Variants in HTR7 observed in about 807,000 individuals in gnomAD.
The protein encoded by HTR7 is 5-hydroxytryptamine receptor 7.
Under a neutral mutation model 34.0 loss-of-function variants are expected in HTR7, and 16 were observed. The observed-to-expected ratio is 0.47, with a 90% confidence interval of 0.32 to 0.71. HTR7 has a LOEUF of 0.71. Ranked by LOEUF, HTR7 falls within the 30% of genes least tolerant of loss-of-function variation. The pLI is 0.04. For synonymous variants in HTR7, 265 were observed against 260.2 expected (o/e 1.02, Z -0.18); for missense variants, 504 against 625.5 (o/e 0.81, Z 2.07).
intron 1 of HTR7, among the ~76,000 whole-genome samples, chr10:90,851,226 G>A (rs1215447882): frequency 6.6e-6 from 1 of 152,174 alleles, no homozygotes; most frequent in Non-Finnish European, 1.5e-5. Context: ...AATGATGGCA[G>A]TCAGAAGACA....
intron 1 of HTR7, among the ~76,000 whole-genome samples, chr10:90,813,117 C>A (rs1162036770): frequency 1.3e-5 from 2 of 152,032 alleles, no homozygotes; most frequent in African/African-American, 4.8e-5. Flanking sequence ...CCTTTACCTA[C>A]CCAAATCTTA....
At chr10:90,808,507 A>AT (rs1345085706) in intron 1 of HTR7, among the ~76,000 whole-genome samples, 6 of 151,512 alleles carry the variant, frequency 4.0e-5, no homozygotes, top group African/African-American at 1.5e-4. Context: ...CCGACCTCTT[A>AT]TATCTCTGTG....
At chr10:90,770,059 C>T (rs1366485686) in intron 1 of HTR7, among the ~76,000 whole-genome samples, 4 of 152,242 alleles carry the variant, frequency 2.6e-5, no homozygotes, top group Non-Finnish European at 4.4e-5. Flanking sequence ...CCCACCCTTG[C>T]GCAGCCAGAC....
At chr10:90,746,218 T>C (rs1454205667) in intron 2 of HTR7, among the ~76,000 whole-genome samples, 1 of 152,216 alleles carries the variant, frequency 6.6e-6, no homozygotes, top group East Asian at 1.9e-4. Context: ...CATAAAGTGC[T>C]CAGCAAAGTG....
rs1201444262 is a variant in HTR7, at chr10:90,748,914, T to C, written c.1220A>G (p.Asn407Ser). The C allele has an allele frequency of 6.2e-7, 1 of 1,614,094 alleles. No individual in the cohort carries two copies. The highest frequency in any genetic ancestry group is 8.5e-7 in the Non-Finnish European group (1 of 1,180,002). The change falls in exon 2 of 4, where the codon AAC (asparagine) becomes AGC (serine). Residue 407 changes from asparagine (N) to serine (S), a missense_variant. Physicochemically the swap from Asn to Ser is conservative, Grantham distance 46 (BLOSUM62 1). Transcript: ENST00000336152. ...CATGCCTGCAGCTGAGAGCTTCCGGTTGATATTCCGGTACTGGCACTGGAG... is the reference window on the plus strand; with the variant it reads ...CATGCCTGCAGCTGAGAGCTTCCGGCTGATATTCCGGTACTGGCACTGGAG... ...SLLQCQYRNI[N>S]RKLSAAGMHE...
intron 1 of HTR7, among the ~76,000 whole-genome samples, chr10:90,825,311 C>T (rs962241312): frequency 4.6e-5 from 7 of 152,124 alleles, no homozygotes; most frequent in African/African-American, 1.4e-4. Context: ...GCAGACATGG[C>T]GGCAGTGACC....
intron 1 of HTR7, among the ~76,000 whole-genome samples, chr10:90,845,891 G>T (rs1457900365): frequency 6.6e-6 from 1 of 152,116 alleles, no homozygotes; most frequent in East Asian, 1.9e-4. Context: ...TGTTTCCATG[G>T]TACCTCACCC....
At chr10:90,836,056 ACG>A (rs1846247644) in intron 1 of HTR7, among the ~76,000 whole-genome samples, 2 of 152,136 alleles carry the variant, frequency 1.3e-5, no homozygotes, top group South Asian at 2.1e-4. Context: ...GACACAAATT[ACG>A]TATCCTTCCC....
chr10:90,758,905 C>T (rs913632862), intron 1 of HTR7, among the ~76,000 whole-genome samples: 19 of 151,972 alleles, frequency 1.3e-4, no homozygotes, highest in Non-Finnish European at 2.2e-4. Flanking sequence ...TGTGAAATAG[C>T]GGCCGGGCGT....
chr10:90,814,803 A>T (rs1390044434), intron 1 of HTR7, among the ~76,000 whole-genome samples: 1 of 152,230 alleles, frequency 6.6e-6, no homozygotes, highest in Non-Finnish European at 1.5e-5. Context: ...CCCAGCATTA[A>T]AGGGCCCCAA....
At position 90,857,319 on chromosome 10, in the gene HTR7, T is replaced by C; in HGVS notation, c.353A>G (p.Tyr118Cys). The part of the protein sequence containing the change: ...FVKKLRQPSN[Y>C]LIVSLALADL... ...GGCCAGCGCCAGGGACACGATCAGG[T>C]AGTTGGAGGGCTGGCGGAGCTTCTT... Residue 118 changes from tyrosine to cysteine, a missense_variant, in exon 1 of 4, where the codon TAC becomes TGC. This residue lies in a region of HTR7 where 154 missense variants were observed against 248.8 expected (regional missense o/e 0.62). Transcript: ENST00000336152. The surrounding 1 kb of genome is among the most constrained non-coding windows in gnomAD (Gnocchi z 6.5). The C allele has an allele frequency of 1.9e-6, 3 of 1,610,988 alleles. No homozygotes were observed. The highest frequency in any genetic ancestry group is 2.5e-6 in the Non-Finnish European group (3 of 1,179,440).
At chr10:90,755,290 G>T (rs1401023288) in intron 1 of HTR7, among the ~76,000 whole-genome samples, 2 of 152,104 alleles carry the variant, frequency 1.3e-5, no homozygotes, top group Non-Finnish European at 2.9e-5. Flanking sequence ...GATATGTGTG[G>T]TCTTTATATT....
At chr10:90,818,312 C>T (rs1244069853) in intron 1 of HTR7, among the ~76,000 whole-genome samples, 1 of 152,186 alleles carries the variant, frequency 6.6e-6, no homozygotes, top group Non-Finnish European at 1.5e-5. Context: ...AATTCCAGCA[C>T]TTTGGGATGC....
At chr10:90,762,920 C>G (rs564573826) in intron 1 of HTR7, among the ~76,000 whole-genome samples, 1 of 152,126 alleles carries the variant, frequency 6.6e-6, no homozygotes, top group Non-Finnish European at 1.5e-5. Context: ...TCTTGGCATC[C>G]TTGTCCATTA....
intron 1 of HTR7, among the ~76,000 whole-genome samples, chr10:90,843,929 C>A (rs1291455883): frequency 6.6e-6 from 1 of 152,176 alleles, no homozygotes; most frequent in Non-Finnish European, 1.5e-5. Flanking sequence ...ATATCAAATT[C>A]AGTTTTCTGT....
intron 1 of HTR7, among the ~76,000 whole-genome samples, chr10:90,843,937 T>G (rs1354936713): frequency 6.6e-6 from 1 of 152,240 alleles, no homozygotes; most frequent in South Asian, 2.1e-4. Flanking sequence ...TTCAGTTTTC[T>G]GTATCCATAA....
chr10:90,813,906 T>C (rs1008355128), intron 1 of HTR7, among the ~76,000 whole-genome samples: 10 of 152,184 alleles, frequency 6.6e-5, no homozygotes, highest in African/African-American at 2.4e-4. Flanking sequence ...AACCAATCTA[T>C]GGGCCCTATG....
intron 1 of HTR7, among the ~76,000 whole-genome samples, chr10:90,855,728 G>A (rs909670607): frequency 6.6e-6 from 1 of 152,164 alleles, no homozygotes; most frequent in African/African-American, 2.4e-5. Context: ...CAAATTTGGT[G>A]CTAATATTCT....
In HTR7 at chr10:90,811,195, C is replaced by T. The variant is rs978271955; in HGVS notation, c.539+45938G>A. 1.8e-4 allele frequency among the ~76,000 whole-genome samples: 28 copies of T among 152,252 alleles called. 1 individual carries two copies. The highest frequency in any genetic ancestry group is 4.6e-4 in the Admixed American group (7 of 15,294). ...GGAATTCTTACACAAGGACCGGGAT[C>T]GCGTCCTGTAGCCTTTTTGTCCAAA... On this transcript the variant is annotated intron_variant, in intron 1 of 3. Coordinates refer to ENST00000336152, the MANE Select transcript of HTR7 (RefSeq NM_019859.4).
Sources: allele counts gnomAD v4.1 joint callset (sites outside exome capture counted in the v4.1 genomes callset), GRCh38; gene constraint gnomAD v4.1.1; regional missense constraint gnomAD v4.1.1; non-coding constraint Gnocchi (gnomAD v3.1); transcripts MANE v1.5; gene names NCBI Gene and HGNC (gene_info 2026-07-23, HGNC 2026-07-21).